The following BMPR2 variants were observed in gnomAD, a reference collection of about 807,000 sequenced individuals.
The protein encoded by BMPR2 is bone morphogenetic protein receptor type 2.
BMPR2 carries 29 observed loss-of-function variants against 100.8 expected under a neutral mutation model. The ratio of observed to expected loss-of-function variants is 0.29; its 90% CI spans 0.21 to 0.39. The LOEUF is 0.39. Ranked by LOEUF, BMPR2 falls within the 10% of genes least tolerant of loss-of-function variation. The pLI, the probability that BMPR2 is intolerant of heterozygous loss-of-function variation, is 1.00. For synonymous variants in BMPR2, 382 were observed against 442.3 expected (o/e 0.86, Z 1.71); for missense variants, 1,011 against 1,274.5 (o/e 0.79, Z 3.15).
rs935305802 is a variant in BMPR2 at position 202,442,393 on chromosome 2, G to A, written c.77-22416G>A. Among the ~76,000 whole-genome samples, 4 of 150,106 alleles carry A rather than the reference G, an allele frequency of 2.7e-5. 1 individual carries two copies. The highest frequency in any genetic ancestry group is 7.6e-5 in the African/African-American group (3 of 39,622). On this transcript the variant is annotated intron_variant, in intron 1 of 12. Transcript: ENST00000374580. ...GTAGTCTTTTGTGATTAACTTCATG[G>A]TTCATCCATGTTTTAGCGTATATCG... is the stretch of plus-strand genomic sequence containing the variant.
chr2:202,533,363 C>A (rs971363182), intron 9 of BMPR2, among the ~76,000 whole-genome samples: 10 of 151,556 alleles, frequency 6.6e-5, no homozygotes, highest in African/African-American at 2.4e-4. Context: ...ACCAACCTGA[C>A]CAATATGGTG....
chr2:202,477,735 T>C (rs915381536), intron 3 of BMPR2, among the ~76,000 whole-genome samples: 1 of 152,070 alleles, frequency 6.6e-6, no homozygotes, highest in African/African-American at 2.4e-5. Context: ...TGCAGTGAGC[T>C]GAATTCACCC....
At chr2:202,418,369 G>C (rs749989802) in intron 1 of BMPR2, among the ~76,000 whole-genome samples, 5 of 152,152 alleles carry the variant, frequency 3.3e-5, no homozygotes, top group Non-Finnish European at 5.9e-5. Flanking sequence ...TACAGTAAAG[G>C]CATCTGTAAA....
intron 3 of BMPR2, among the ~76,000 whole-genome samples, chr2:202,480,132 C>A (rs1478678312): frequency 6.7e-6 from 1 of 150,074 alleles, no homozygotes; most frequent in Non-Finnish European, 1.5e-5. Context: ...TTTTCTTTTT[C>A]TTTTTCTTTT....
intron 5 of BMPR2, among the ~76,000 whole-genome samples, chr2:202,516,864 G>C (rs1490222127): frequency 6.6e-6 from 1 of 152,128 alleles, no homozygotes; most frequent in Non-Finnish European, 1.5e-5. Flanking sequence ...GTATAATTTT[G>C]ATCTGGAAAC....
chr2:202,555,725 A>T lies in BMPR2; in HGVS notation c.2060A>T (p.Glu687Val). The T allele has an allele frequency of 6.2e-7, 1 of 1,614,178 alleles. No individual in the cohort carries two copies. The highest frequency in any genetic ancestry group is 1.1e-5 in the South Asian group (1 of 91,084). ...GAAAGCTCTGATGAGAATCTCATGG[A>T]GCACTCTCTTAAACAGTTCAGTGGC... ...LKESSDENLM[E>V]HSLKQFSGPD... Residue 687 changes from glutamate (E) to valine (V), a missense_variant, in exon 12 of 13, where the codon GAG becomes GTG. Coordinates refer to ENST00000374580, the MANE Select transcript of BMPR2 (RefSeq NM_001204.7).
rs772560246 is a variant in BMPR2, at chr2:202,467,581, A to C, written c.310A>C (p.Thr104Pro). The C allele has an allele frequency of 6.3e-7, 1 of 1,578,868 alleles. No individual in the cohort carries two copies. Among genetic ancestry groups the C allele is most frequent in the South Asian group, 1.1e-5 (1 of 90,342 alleles). ...CTATGAAGAATGTGTAGTAACTACCACTCCTCCCTCAATTCAGAATGGAAC... is the reference window on the plus strand; with the variant it reads ...CTATGAAGAATGTGTAGTAACTACCCCTCCTCCCTCAATTCAGAATGGAAC... ...CHYEECVVTT[T>P]PPSIQNGTYR... Residue 104 changes from threonine (T) to proline (P), a missense_variant, in exon 3 of 13, where the codon ACT (threonine) becomes CCT (proline). Around this residue, in one of 6 missense-constraint regions of BMPR2, gnomAD observed 355 missense variants for 455.3 expected, o/e 0.78. Coordinates refer to ENST00000374580, the MANE Select transcript of BMPR2 (RefSeq NM_001204.7).
chr2:202,476,246 G>A (rs1338404659), intron 3 of BMPR2, among the ~76,000 whole-genome samples: 1 of 144,378 alleles, frequency 6.9e-6, no homozygotes, highest in Non-Finnish European at 1.5e-5. Flanking sequence ...TGTCTTTTTA[G>A]GATTTCCAAT....
chr2:202,534,362 A>C (rs1449800010), intron 9 of BMPR2, among the ~76,000 whole-genome samples: 5 of 151,438 alleles, frequency 3.3e-5, no homozygotes, highest in African/African-American at 1.2e-4. Flanking sequence ...GCAGATAAAC[A>C]AGTGAACAAA....
At chr2:202,410,591 G>A (rs1690993251) in intron 1 of BMPR2, among the ~76,000 whole-genome samples, 2 of 151,940 alleles carry the variant, frequency 1.3e-5, no homozygotes, top group Admixed American at 6.6e-5. Flanking sequence ...TAGCTAGCTA[G>A]CTATCTGAGA....
intron 9 of BMPR2, among the ~76,000 whole-genome samples, chr2:202,538,706 A>C (rs1467670605): frequency 6.6e-6 from 1 of 150,920 alleles, no homozygotes; most frequent in Non-Finnish European, 1.5e-5. Flanking sequence ...AGGCAAGAGA[A>C]TTGCTTGAAC....
intron 1 of BMPR2, among the ~76,000 whole-genome samples, chr2:202,400,545 A>C (rs1419213703): frequency 6.6e-6 from 1 of 152,188 alleles, no homozygotes; most frequent in Non-Finnish European, 1.5e-5. Context: ...AATTCTTTTA[A>C]AAGTACTGGT....
At chr2:202,504,336 C>T (rs1418326321) in intron 3 of BMPR2, among the ~76,000 whole-genome samples, 1 of 152,116 alleles carries the variant, frequency 6.6e-6, no homozygotes, top group East Asian at 1.9e-4. Flanking sequence ...AGGTCTGCAG[C>T]TTCACTCCTG....
chr2:202,386,437 C>A (rs1360619599), intron 1 of BMPR2, among the ~76,000 whole-genome samples: 2 of 152,140 alleles, frequency 1.3e-5, no homozygotes, highest in African/African-American at 4.8e-5. Flanking sequence ...TTAGAGATAT[C>A]TTTGTCTCTT....
In BMPR2 at chr2:202,518,884, T is replaced by TG. The variant is rs1687768852; in HGVS notation, c.685dup (p.Val229GlyfsTer27). Reference sequence around the variant, plus strand: ...GCTCCTTGGATGAGCGTCCAGTTGCTGTAAAAGTGTTTTCCTTTGCAAACC... The same window carrying TG: ...GCTCCTTGGATGAGCGTCCAGTTGCTGGTAAAAGTGTTTTCCTTTGCAAACC... On this transcript the variant is annotated frameshift_variant, in exon 6 of 13. Coordinates refer to ENST00000374580, the MANE Select transcript of BMPR2 (RefSeq NM_001204.7). LOFTEE classifies it high-confidence loss of function. 6.2e-7 allele frequency: 1 copy of TG among 1,614,128 alleles called. No homozygotes were observed. Among genetic ancestry groups the TG allele is most frequent in the Non-Finnish European group, 8.5e-7 (1 of 1,180,052 alleles).
chr2:202,489,392 C>T (rs1000515591), intron 3 of BMPR2, among the ~76,000 whole-genome samples: 7 of 151,772 alleles, frequency 4.6e-5, no homozygotes, highest in African/African-American at 1.7e-4. Context: ...GTTAAGGGAA[C>T]GAAAAGCAAG....
chr2:202,513,957 T>G (rs1356884805), intron 4 of BMPR2, 128 bp downstream of exon 4: 1 of 679,040 alleles, frequency 1.5e-6, no homozygotes, highest in Admixed American at 2.4e-5. Context: ...CCAGCCTCAA[T>G]AGTATCACGT....
At position 202,385,621 on chromosome 2, in the gene BMPR2, C is replaced by T. The variant is rs535500058; in HGVS notation, c.76+8071C>T. 3.3e-5 allele frequency among the ~76,000 whole-genome samples: 5 copies of T among 149,778 alleles called. No individual in the cohort carries two copies. The East Asian group carries it at 5.9e-4, about 18-fold the overall frequency. ...CCTCGTGATCTGCCCGCCTCAGCCT[C>T]CCAAAGTGCTGGGATTACAGGCGTG... On this transcript the variant is annotated intron_variant, in intron 1 of 12. Coordinates refer to ENST00000374580, the MANE Select transcript of BMPR2 (RefSeq NM_001204.7).
intron 1 of BMPR2, among the ~76,000 whole-genome samples, chr2:202,426,589 AAG>A: frequency 6.6e-6 from 1 of 151,264 alleles, no homozygotes; most frequent in South Asian, 2.1e-4. Flanking sequence ...AAAAAAAAAA[AAG>A]TAAATTTTGG....
Sources: gnomAD v4.1 joint callset for allele counts (sites outside exome capture counted in the v4.1 genomes callset) on GRCh38, gnomAD v4.1.1 for gene constraint, gnomAD v4.1.1 regional missense constraint, MANE v1.5 for transcripts, NCBI Gene and HGNC (gene_info 2026-07-23, HGNC 2026-07-21) for gene names.